The following NLGN1 variants were observed in gnomAD, a reference collection of about 807,000 sequenced individuals.
NLGN1 encodes the protein neuroligin 1.
A neutral mutation model predicts 65.5 loss-of-function variants in NLGN1; 12 were observed. The observed-to-expected ratio is 0.18, with a 90% CI of 0.12 to 0.30. The LOEUF (loss-of-function observed/expected upper bound fraction) is 0.30, where lower values mean the gene tolerates loss of function less well. Among genes scored for constraint, NLGN1 ranks in the 10% least tolerant of loss-of-function variants. The pLI, the probability that NLGN1 is intolerant of heterozygous loss-of-function variation, is 1.00. For synonymous variants in NLGN1, 350 were observed against 359.5 expected (o/e 0.97, Z 0.30); for missense variants, 750 against 1,007.1 (o/e 0.74, Z 3.46).
At chr3:174,191,450 A>G (rs574685781) in intron 4 of NLGN1, among the ~76,000 whole-genome samples, 1 of 152,318 alleles carries the variant, frequency 6.6e-6, no homozygotes, top group East Asian at 1.9e-4. Flanking sequence ...CTAATAAGCA[A>G]AAGACAAACG....
At chr3:173,495,860 TTG>T (rs1031886505) in intron 2 of NLGN1, among the ~76,000 whole-genome samples, 1 of 151,704 alleles carries the variant, frequency 6.6e-6, no homozygotes, top group African/African-American at 2.4e-5. Flanking sequence ...TACATGAAGT[TTG>T]TGTTTCCTAG....
chr3:173,925,404 A>G (rs151004794), intron 4 of NLGN1, among the ~76,000 whole-genome samples: 21 of 152,208 alleles, frequency 1.4e-4, no homozygotes, highest in African/African-American at 4.8e-4. Flanking sequence ...CATGGGAGAA[A>G]TAAGAGAAGA....
chr3:173,975,309 CTT>C (rs1717189763), intron 4 of NLGN1, among the ~76,000 whole-genome samples: 1 of 151,962 alleles, frequency 6.6e-6, no homozygotes, highest in African/African-American at 2.4e-5. Context: ...AATCTCTCCT[CTT>C]TGCCCTTCAC....
At chr3:173,450,691 AG>A (rs1374839708) in intron 2 of NLGN1, among the ~76,000 whole-genome samples, 1 of 152,202 alleles carries the variant, frequency 6.6e-6, no homozygotes, top group Non-Finnish European at 1.5e-5. Flanking sequence ...CGTCACTTTC[AG>A]GTACAACAAT....
chr3:174,091,078 C>T (rs1003027551), intron 4 of NLGN1, among the ~76,000 whole-genome samples: 4 of 152,180 alleles, frequency 2.6e-5, no homozygotes, highest in Non-Finnish European at 4.4e-5. Context: ...TTTCAGACAG[C>T]TCTGACCTTC....
chr3:174,097,485 C>A (rs1206847556), intron 4 of NLGN1, among the ~76,000 whole-genome samples: 1 of 152,136 alleles, frequency 6.6e-6, no homozygotes, highest in East Asian at 1.9e-4. Context: ...TGCAAATAAT[C>A]ATTTTTATGT....
chr3:173,595,424 C>A (rs1560020696), intron 2 of NLGN1, among the ~76,000 whole-genome samples: 1 of 152,178 alleles, frequency 6.6e-6, no homozygotes, highest in East Asian at 1.9e-4. Flanking sequence ...TCATCTTCAT[C>A]TGAGACCACC....
intron 2 of NLGN1, among the ~76,000 whole-genome samples, chr3:173,448,561 A>G (rs1440895108): frequency 6.6e-6 from 1 of 152,300 alleles, no homozygotes; most frequent in East Asian, 1.9e-4. Flanking sequence ...TGGTATCAGG[A>G]TGATGCTGGC....
chr3:173,802,377 A>G (rs893097509), intron 3 of NLGN1, among the ~76,000 whole-genome samples: 3 of 152,214 alleles, frequency 2.0e-5, no homozygotes, highest in Non-Finnish European at 2.9e-5. Flanking sequence ...TTATTGAATC[A>G]ATAAATATTT....
chr3:173,667,267 A>ACACACACACACACG (rs1254129546), intron 3 of NLGN1, among the ~76,000 whole-genome samples: 2 of 151,942 alleles, frequency 1.3e-5, no homozygotes, highest in Non-Finnish European at 2.9e-5. Context: ...ACACACACAC[A>ACACACACACACACG]CGTACAGCAC....
At chr3:173,475,715 A>T (rs1301822183) in intron 2 of NLGN1, among the ~76,000 whole-genome samples, 2 of 152,192 alleles carry the variant, frequency 1.3e-5, no homozygotes, top group African/African-American at 2.4e-5. Flanking sequence ...AGCAATTACC[A>T]CTAATCATTC....
intron 4 of NLGN1, among the ~76,000 whole-genome samples, chr3:174,088,544 C>T (rs911548735): frequency 4.6e-5 from 7 of 151,882 alleles, no homozygotes; most frequent in Admixed American, 4.6e-4. Flanking sequence ...ATCACGAGGT[C>T]GGGAGATTGA....
At chr3:173,875,945 A>T (rs1376063675) in intron 4 of NLGN1, among the ~76,000 whole-genome samples, 1 of 152,188 alleles carries the variant, frequency 6.6e-6, no homozygotes, top group Admixed American at 6.5e-5. Flanking sequence ...AGTGCTGGTC[A>T]GGCTGGGGTA....
At chr3:173,878,155 C>T (rs1026332273) in intron 4 of NLGN1, among the ~76,000 whole-genome samples, 2 of 152,064 alleles carry the variant, frequency 1.3e-5, no homozygotes, top group Non-Finnish European at 2.9e-5. Flanking sequence ...GATTCTCCTG[C>T]CTCAGCCTCC....
At chr3:173,683,987 A>G (rs763449493) in intron 3 of NLGN1, among the ~76,000 whole-genome samples, 3 of 152,176 alleles carry the variant, frequency 2.0e-5, no homozygotes, top group Non-Finnish European at 2.9e-5. Context: ...CAAATCATAT[A>G]TCATTATATG....
intron 2 of NLGN1, among the ~76,000 whole-genome samples, chr3:173,566,066 C>T (rs535378876): frequency 5.3e-5 from 8 of 152,170 alleles, no homozygotes; most frequent in South Asian, 2.1e-4. Flanking sequence ...AGATAAAGAC[C>T]GGCCTATACG....
chr3:173,887,665 T>C (rs192672930), intron 4 of NLGN1, among the ~76,000 whole-genome samples: 26 of 152,146 alleles, frequency 1.7e-4, no homozygotes, highest in Admixed American at 1.0e-3. Flanking sequence ...TGTAGGATAG[T>C]TTAAATTCTA....
intron 4 of NLGN1, among the ~76,000 whole-genome samples, chr3:174,161,363 T>G (rs1341770424): frequency 6.6e-6 from 1 of 151,874 alleles, no homozygotes; most frequent in Non-Finnish European, 1.5e-5. Context: ...GAGCAAAATA[T>G]TTAATTCATG....
intron 4 of NLGN1, among the ~76,000 whole-genome samples, chr3:173,872,266 A>G (rs1731316250): frequency 6.6e-6 from 1 of 152,192 alleles, no homozygotes; most frequent in Non-Finnish European, 1.5e-5. Flanking sequence ...GTCTAAATTG[A>G]GCACGTGGAC....
Sources: gnomAD v4.1 joint callset for allele counts (sites outside exome capture counted in the v4.1 genomes callset) on GRCh38, gnomAD v4.1.1 for gene constraint, MANE v1.5 for transcripts, NCBI Gene and HGNC (gene_info 2026-07-23, HGNC 2026-07-21) for gene names.